Variants in NAALADL2 observed in about 807,000 individuals in gnomAD.
NAALADL2 encodes the protein N-acetylated alpha-linked acidic dipeptidase like 2.
A neutral mutation model predicts 87.2 loss-of-function variants in NAALADL2; 76 were observed. The observed-to-expected ratio is 0.87, with a 90% CI of 0.72 to 1.05. NAALADL2 has a LOEUF of 1.05. NAALADL2 is among the 50% of genes least tolerant of loss of function. The pLI, the probability that NAALADL2 is intolerant of heterozygous loss-of-function variation, is 0.00. For synonymous variants in NAALADL2, 354 were observed against 331.0 expected, an observed-to-expected ratio of 1.07 and a Z score of -0.75; for missense variants, 1,089 against 945.8, an observed-to-expected ratio of 1.15 and a Z score of -1.99.
chr3:175,634,467 A>T (rs1728237848), intron 11 of NAALADL2, among the ~76,000 whole-genome samples: 1 of 151,992 alleles, frequency 6.6e-6, no homozygotes, highest in Non-Finnish European at 1.5e-5. Context: ...AGAATAAATT[A>T]TCTTGAGATG....
intron 1 of NAALADL2, among the ~76,000 whole-genome samples, chr3:175,040,478 T>C (rs988454204): frequency 6.6e-6 from 1 of 152,158 alleles, no homozygotes; most frequent in African/African-American, 2.4e-5. Context: ...GGGGGCCGTT[T>C]CCATAAAGTG....
exon 3 of NAALADL2, chr3:174,737,693 A>T (rs2109000737): frequency 6.6e-6 from 1 of 152,344 alleles, no homozygotes; most frequent in Non-Finnish European, 1.5e-5. Flanking sequence ...CCAGATTGTC[A>T]GTCTCCTGTA....
chr3:175,393,412 T>C (rs1288582472), intron 5 of NAALADL2, among the ~76,000 whole-genome samples: 2 of 151,888 alleles, frequency 1.3e-5, no homozygotes, highest in African/African-American at 4.8e-5. Flanking sequence ...ACCCTAATTA[T>C]TATGATTATC....
intron 11 of NAALADL2, among the ~76,000 whole-genome samples, chr3:175,719,077 C>T (rs1741832544): frequency 6.6e-6 from 1 of 151,900 alleles, no homozygotes; most frequent in African/African-American, 2.4e-5. Context: ...GAAATTCTGA[C>T]CTGAATCTTC....
chr3:174,576,145 G>A (rs927965674), intron 2 of NAALADL2, among the ~76,000 whole-genome samples: 1 of 152,064 alleles, frequency 6.6e-6, no homozygotes, highest in Non-Finnish European at 1.5e-5. Context: ...TTACAGATGT[G>A]AGCCACCGTG....
chr3:175,152,261 C>T (rs1462407157), intron 2 of NAALADL2, among the ~76,000 whole-genome samples: 4 of 152,138 alleles, frequency 2.6e-5, no homozygotes, highest in African/African-American at 4.8e-5. Context: ...CGTTGTGTTT[C>T]TGAGATCATA....
At chr3:175,204,596 A>C (rs1740545656) in intron 2 of NAALADL2, among the ~76,000 whole-genome samples, 1 of 152,160 alleles carries the variant, frequency 6.6e-6, no homozygotes, top group Non-Finnish European at 1.5e-5. Context: ...CGTCCTAGCA[A>C]GAGCAATTAG....
intron 2 of NAALADL2, among the ~76,000 whole-genome samples, chr3:174,560,807 C>G (rs935126360): frequency 6.6e-6 from 1 of 152,068 alleles, no homozygotes; most frequent in Admixed American, 6.6e-5. Flanking sequence ...TATTTGGTAT[C>G]TTAGTCTGCT....
At chr3:174,868,144 G>A (rs1289662148) in intron 1 of NAALADL2, among the ~76,000 whole-genome samples, 2 of 152,058 alleles carry the variant, frequency 1.3e-5, no homozygotes, top group African/African-American at 4.8e-5. Context: ...TACATTGTGA[G>A]GGGTAAATAG....
Position 174,868,785 on chromosome 3 carries a change from T to A in NAALADL2, c.43+9335T>A, listed in dbSNP as rs1727459168. The stretch of plus-strand genomic sequence containing the variant: ...TAAAACAGTTATTCTAAACTGTAAT[T>A]GTATATTTTGATGAAAATGTCTAGG... On this transcript the variant is annotated intron_variant, in intron 1 of 13. Transcript: ENST00000454872. Among the ~76,000 whole-genome samples, 2 of 152,132 alleles carry A rather than the reference T, an allele frequency of 1.3e-5. 1 individual carries two copies. Among genetic ancestry groups the A allele is most frequent in the South Asian group, 4.1e-4 (2 of 4,834 alleles).
At chr3:174,973,270 G>C (rs1379323642) in intron 1 of NAALADL2, among the ~76,000 whole-genome samples, 1 of 152,018 alleles carries the variant, frequency 6.6e-6, no homozygotes, top group Admixed American at 6.6e-5. Context: ...GGTTCATTCT[G>C]CTTGTATTTC....
At chr3:175,781,854 C>A (rs1751157624) in intron 13 of NAALADL2, among the ~76,000 whole-genome samples, 1 of 149,124 alleles carries the variant, frequency 6.7e-6, no homozygotes, top group Non-Finnish European at 1.5e-5. Context: ...AATGCTATCC[C>A]TCCCCCCCAC....
At chr3:174,817,021 C>CA (rs1210997132) in intron 3 of NAALADL2, among the ~76,000 whole-genome samples, 2 of 152,176 alleles carry the variant, frequency 1.3e-5, no homozygotes, top group African/African-American at 4.8e-5. Flanking sequence ...GGGTGTTCTA[C>CA]AACAGGCAGG....
In NAALADL2 at chr3:175,301,035, G is replaced by A. The variant is rs752339459; in HGVS notation, c.940-23140G>A. 7.3e-4 allele frequency among the ~76,000 whole-genome samples: 111 copies of A among 152,166 alleles called. 1 individual carries two copies. Among genetic ancestry groups the A allele is most frequent in the Middle Eastern group, 6.8e-3 (2 of 294 alleles). ...CTCCCAAAGTGCTGGGATTACAGGC[G>A]TGAGCCACCACACCAGGTCTGATTC... On this transcript the variant is annotated intron_variant, in intron 4 of 13. Transcript: ENST00000454872.
At chr3:175,029,722 A>G (rs2108905671) in intron 1 of NAALADL2, among the ~76,000 whole-genome samples, 1 of 152,166 alleles carries the variant, frequency 6.6e-6, no homozygotes, top group East Asian at 1.9e-4. Flanking sequence ...CAAAGAGAAT[A>G]ATACTCAGAC....
chr3:174,885,303 ACT>A (rs897447547), intron 1 of NAALADL2, among the ~76,000 whole-genome samples: 1 of 151,598 alleles, frequency 6.6e-6, no homozygotes, highest in Admixed American at 6.6e-5. Flanking sequence ...AGGAGATAAG[ACT>A]CTCATTCAGG....
chr3:174,871,535 A>G lies in NAALADL2; in HGVS notation c.43+12085A>G, dbSNP rs530817902. 1.9e-3 allele frequency among the ~76,000 whole-genome samples: 287 copies of G among 152,352 alleles called. 1 individual carries two copies. The highest frequency in any genetic ancestry group is 6.6e-3 in the African/African-American group (275 of 41,588). On this transcript the variant is annotated intron_variant, in intron 1 of 13. Transcript: ENST00000454872. The stretch of plus-strand genomic sequence containing the variant: ...TTTAAATTTGTGTAACTTAAATGTT[A>G]GGAGACAAAAGATTATCTTCTCTAT...
chr3:174,791,191 T>A (rs1045629660), intron 3 of NAALADL2, among the ~76,000 whole-genome samples: 1 of 152,196 alleles, frequency 6.6e-6, no homozygotes, highest in African/African-American at 2.4e-5. Flanking sequence ...TCAGTACCCC[T>A]CTTATATGTG....
At chr3:175,750,682 C>T (rs1746517931) in intron 12 of NAALADL2, among the ~76,000 whole-genome samples, 1 of 152,124 alleles carries the variant, frequency 6.6e-6, no homozygotes, top group Non-Finnish European at 1.5e-5. Flanking sequence ...GATTTTTAGG[C>T]AGTTTCATGA....
Sources: allele counts gnomAD v4.1 joint callset (sites outside exome capture counted in the v4.1 genomes callset), GRCh38; gene constraint gnomAD v4.1.1; transcripts MANE v1.5; gene names NCBI Gene and HGNC (gene_info 2026-07-23, HGNC 2026-07-21).